The following PCDHGB2 variants were observed in gnomAD, a reference collection of about 807,000 sequenced individuals.
PCDHGB2 encodes protocadherin gamma-B2.
Under a neutral mutation model 59.3 loss-of-function variants are expected in PCDHGB2, and 55 were observed. That is an observed-to-expected ratio of 0.93 (90% CI 0.75 to 1.16). The LOEUF is 1.16. Ranked by LOEUF, PCDHGB2 falls within the 50% of genes most tolerant of loss-of-function variation. The pLI is 0.00. For synonymous variants in PCDHGB2, 516 were observed against 512.0 expected (o/e 1.01, Z -0.11); for missense variants, 1,228 against 1,198.5 (o/e 1.02, Z -0.36).
At chr5:141,494,305 C>T (rs544773836) in intron 1 of PCDHGB2, among the ~76,000 whole-genome samples, 1 of 152,346 alleles carries the variant, frequency 6.6e-6, no homozygotes, top group East Asian at 1.9e-4. Context: ...GAATGTGTCA[C>T]TGCACAACCT....
intron 1 of PCDHGB2, among the ~76,000 whole-genome samples, chr5:141,474,405 GT>G (rs2099348889): frequency 6.6e-6 from 1 of 152,196 alleles, no homozygotes; most frequent in African/African-American, 2.4e-5. Flanking sequence ...AAGCTCCCCG[GT>G]GATGCCTAGA....
At chr5:141,384,379 G>C in intron 1 of PCDHGB2, 1 of 1,613,934 alleles carries the variant, frequency 6.2e-7, no homozygotes, top group Non-Finnish European at 8.5e-7. Flanking sequence ...CTTGGCCGAA[G>C]ACACCATCCA....
intron 1 of PCDHGB2, among the ~76,000 whole-genome samples, chr5:141,453,996 C>T (rs2098779349): frequency 6.6e-6 from 1 of 152,128 alleles, no homozygotes; most frequent in Admixed American, 6.6e-5. Context: ...GTGATAAACC[C>T]ACATAACATT....
intron 1 of PCDHGB2, chr5:141,389,614 C>G: frequency 6.2e-7 from 1 of 1,613,062 alleles, no homozygotes; most frequent in South Asian, 1.1e-5. Flanking sequence ...GATATGGTGC[C>G]GCACGCTGCA....
chr5:141,489,636 C>A lies in PCDHGB2; in HGVS notation c.2422-5171C>A, dbSNP rs753380268. 3.8e-5 allele frequency: 62 copies of A among 1,614,074 alleles called. No individual in the cohort carries two copies. The highest frequency in any genetic ancestry group is 5.1e-5 in the Non-Finnish European group (60 of 1,180,038). ...TGGATCTCAATGACAACTCTCCTAG[C>A]TTTGCCACCCCTGAGCGAGAGATGC... is the stretch of plus-strand genomic sequence containing the variant. On this transcript the variant is annotated intron_variant, in intron 1 of 3. Coordinates refer to ENST00000522605, the MANE Select transcript of PCDHGB2 (RefSeq NM_018923.3). The surrounding 1 kb of genome is among the most constrained non-coding windows in gnomAD (Gnocchi z 4.5).
intron 1 of PCDHGB2, chr5:141,383,273 A>C: frequency 6.2e-7 from 1 of 1,613,960 alleles, no homozygotes; most frequent in Non-Finnish European, 8.5e-7. Flanking sequence ...GAAATAATAG[A>C]TATTAATGAC....
intron 1 of PCDHGB2, chr5:141,393,237 AT>A: frequency 1.2e-6 from 2 of 1,613,802 alleles, no homozygotes; most frequent in South Asian, 1.1e-5. Flanking sequence ...AGAAGTAAAA[AT>A]TAACGAAATC....
Position 141,477,872 on chromosome 5 carries a change from G to A in PCDHGB2, c.2422-16935G>A. The stretch of plus-strand genomic sequence containing the variant: ...GGAGATGCTGCCTCGAGGTACCTCA[G>A]CTGGCCACCTAGTGTCACGGGTGGT... On this transcript the variant is annotated intron_variant, in intron 1 of 3. Coordinates refer to ENST00000522605, the MANE Select transcript of PCDHGB2 (RefSeq NM_018923.3). This position sits in a 1 kb window ranked among gnomAD's most constrained non-coding sequence, Gnocchi z 4.9. The A allele has an allele frequency of 6.2e-7, 1 of 1,614,180 alleles. No individual in the cohort carries two copies. Among genetic ancestry groups the A allele is most frequent in the African/African-American group, 1.3e-5 (1 of 75,058 alleles).
chr5:141,437,617 C>G (rs570138576), intron 1 of PCDHGB2, among the ~76,000 whole-genome samples: 1 of 152,220 alleles, frequency 6.6e-6, no homozygotes, highest in South Asian at 2.1e-4. Context: ...CTGCTTTATC[C>G]CCATATAAGA....
At chr5:141,400,883 A>G (rs1017003447) in intron 1 of PCDHGB2, among the ~76,000 whole-genome samples, 1 of 152,232 alleles carries the variant, frequency 6.6e-6, no homozygotes, top group Non-Finnish European at 1.5e-5. Flanking sequence ...AATTTAATGT[A>G]TGTAATCATT....
At position 141,432,117 on chromosome 5, in the gene PCDHGB2, C is replaced by G. The variant is rs761106133; in HGVS notation, c.2422-62690C>G. The G allele has an allele frequency of 6.2e-7, 1 of 1,614,062 alleles. No homozygotes were observed. The highest frequency in any genetic ancestry group is 8.5e-7 in the Non-Finnish European group (1 of 1,180,048). ...ACCAACGACAACCCGCCGGTCTTCC[C>G]TCAGGCCTCCTATTCCGCTTATATC... is the stretch of plus-strand genomic sequence containing the variant. On this transcript the variant is annotated intron_variant, in intron 1 of 3. Transcript: ENST00000522605. The surrounding 1 kb of genome is among the most constrained non-coding windows in gnomAD (Gnocchi z 6.0).
intron 1 of PCDHGB2, chr5:141,370,540 A>C (rs1443482874): frequency 1.9e-6 from 3 of 1,613,508 alleles, no homozygotes; most frequent in African/African-American, 1.3e-5. Context: ...CTGGTAGGGA[A>C]CCTCGCCAAG....
chr5:141,401,356 G>A (rs1274587222), intron 1 of PCDHGB2, among the ~76,000 whole-genome samples: 1 of 152,070 alleles, frequency 6.6e-6, no homozygotes, highest in Non-Finnish European at 1.5e-5. Flanking sequence ...AAAAAGGAAG[G>A]AGAAGGAGAG....
chr5:141,419,777 C>T (rs976849391), intron 1 of PCDHGB2: 3 of 1,614,054 alleles, frequency 1.9e-6, no homozygotes, highest in Admixed American at 3.3e-5. Flanking sequence ...CTCGGTCCGC[C>T]AGCGCCTGCT....
intron 1 of PCDHGB2, 62 bp from the exon 2 acceptor site, chr5:141,494,745 G>T: frequency 1.2e-6 from 2 of 1,612,802 alleles, no homozygotes; most frequent in African/African-American, 1.3e-5. Context: ...ATCCCTAGGG[G>T]CTCGGGTGAC....
rs1447277018 is a variant in PCDHGB2, at chr5:141,361,676, T to C, written c.1541T>C (p.Val514Ala). Residue 514 changes from valine to alanine, a missense_variant, in exon 1 of 4, where the codon GTG becomes GCG. This residue lies in a region of PCDHGB2 where 781 missense variants were observed against 721.6 expected (regional missense o/e 1.08). Coordinates refer to ENST00000522605, the MANE Select transcript of PCDHGB2 (RefSeq NM_018923.3). ...TCCGTGAGCGCGCAGAGCGGGGTGG[T>C]GTTCGCGCAGCGCGCCTTCGATCAT... The part of the protein sequence containing the change: ...YVSVSAQSGV[V>A]FAQRAFDHEQ... 1 of 1,613,624 alleles carries C rather than the reference T, an allele frequency of 6.2e-7. No individual in the cohort carries two copies. The highest frequency in any genetic ancestry group is 8.5e-7 in the Non-Finnish European group (1 of 1,179,908).
chr5:141,388,989 G>A (rs1460138722), intron 1 of PCDHGB2: 1 of 1,613,886 alleles, frequency 6.2e-7, no homozygotes, highest in African/African-American at 1.3e-5. Context: ...TTTGCTCAAA[G>A]TCCGTGACAA....
chr5:141,460,921 T>C (rs984603258), intron 1 of PCDHGB2, among the ~76,000 whole-genome samples: 4 of 151,276 alleles, frequency 2.6e-5, no homozygotes, highest in African/African-American at 9.7e-5. Flanking sequence ...TGTATATATA[T>C]ATATGTGTGT....
chr5:141,410,466 G>T (rs536543649), intron 1 of PCDHGB2: 2 of 1,613,908 alleles, frequency 1.2e-6, no homozygotes, highest in South Asian at 1.1e-5. Context: ...TATAATCTGT[G>T]CATTGCACAT....
Sources: allele counts gnomAD v4.1 joint callset (sites outside exome capture counted in the v4.1 genomes callset), GRCh38; gene constraint gnomAD v4.1.1; regional missense constraint gnomAD v4.1.1; non-coding constraint Gnocchi (gnomAD v3.1); transcripts MANE v1.5; gene names NCBI Gene and HGNC (gene_info 2026-07-23, HGNC 2026-07-21).